NKAIN3: variants seen among roughly 807,000 people sequenced by gnomAD.
NKAIN3 encodes sodium/potassium-transporting ATPase subunit beta-1-interacting protein 3.
A neutral mutation model predicts 30.2 loss-of-function variants in NKAIN3; 25 were observed. The observed-to-expected ratio is 0.83, with a 90% CI of 0.60 to 1.16. The LOEUF (loss-of-function observed/expected upper bound fraction) is 1.16, where lower values mean the gene tolerates loss of function less well. Ranked by LOEUF, NKAIN3 falls within the 50% of genes most tolerant of loss-of-function variation. The probability of loss-of-function intolerance (pLI) is 0.00; values close to 1 mark genes in which losing one functional copy is unlikely to be tolerated. For missense variants in NKAIN3, 225 were observed against 254.1 expected, an observed-to-expected ratio of 0.89 and a Z score of 0.78; for synonymous variants, 91 against 89.6, an observed-to-expected ratio of 1.02 and a Z score of -0.09.
At chr8:62,497,650 A>G (rs531651393) in intron 1 of NKAIN3, among the ~76,000 whole-genome samples, 13 of 152,044 alleles carry the variant, frequency 8.6e-5, no homozygotes, top group Non-Finnish European at 1.3e-4. Context: ...TTAAGAAAAG[A>G]CCCTAAGTGT....
intron 1 of NKAIN3, among the ~76,000 whole-genome samples, chr8:62,339,754 C>G (rs1815680141): frequency 6.6e-6 from 1 of 152,110 alleles, no homozygotes; most frequent in East Asian, 1.9e-4. Flanking sequence ...TTTACATGCT[C>G]TGTACCCCAA....
intron 4 of NKAIN3, among the ~76,000 whole-genome samples, chr8:62,897,828 C>T (rs1821480380): frequency 6.6e-6 from 1 of 152,110 alleles, no homozygotes; most frequent in Non-Finnish European, 1.5e-5. Context: ...ATTCTCCCTC[C>T]ATGCGATCGA....
intron 1 of NKAIN3, among the ~76,000 whole-genome samples, chr8:62,262,276 A>G (rs535833967): frequency 3.9e-4 from 59 of 152,278 alleles, no homozygotes; most frequent in South Asian, 2.9e-3. Context: ...CTCAGGAGGA[A>G]TCCCAATTTA....
chr8:62,269,533 T>C (rs1812709874), intron 1 of NKAIN3, among the ~76,000 whole-genome samples: 2 of 152,198 alleles, frequency 1.3e-5, no homozygotes, highest in South Asian at 4.1e-4. Flanking sequence ...TTTCTGTGGG[T>C]GCTAGTCTAT....
chr8:62,365,642 G>A (rs1257018720), intron 1 of NKAIN3, among the ~76,000 whole-genome samples: 1 of 152,116 alleles, frequency 6.6e-6, no homozygotes, highest in Non-Finnish European at 1.5e-5. Context: ...GCTTATCGGT[G>A]TGAAATTGCT....
chr8:62,707,776 G>A (rs1462689451), intron 3 of NKAIN3, among the ~76,000 whole-genome samples: 1 of 151,916 alleles, frequency 6.6e-6, no homozygotes, highest in Non-Finnish European at 1.5e-5. Context: ...TTGCTTTTGG[G>A]TCCTCCATCA....
At chr8:62,931,311 A>C (rs779369126) in intron 5 of NKAIN3, among the ~76,000 whole-genome samples, 26 of 152,366 alleles carry the variant, frequency 1.7e-4, no homozygotes, top group Middle Eastern at 3.4e-3. Flanking sequence ...TATAAAATCA[A>C]TCACTCAATT....
At chr8:62,318,206 C>T (rs547049932) in intron 1 of NKAIN3, among the ~76,000 whole-genome samples, 13 of 152,310 alleles carry the variant, frequency 8.5e-5, no homozygotes, top group Non-Finnish European at 1.0e-4. Context: ...TCTAGATATG[C>T]AATCATGTCA....
Position 62,983,644 on chromosome 8 carries a change from C to T in NKAIN3, c.*18237C>T, listed in dbSNP as rs1824136991. 1 of 152,176 alleles carries T rather than the reference C, an allele frequency of 6.6e-6. No homozygotes were observed. Among genetic ancestry groups the T allele is most frequent in the South Asian group, 2.1e-4 (1 of 4,824 alleles). 9.4% of individuals were successfully genotyped at this position (152,176 alleles called of 1,614,324 possible). On this transcript the variant is annotated 3_prime_UTR_variant, in exon 7 of 7. Coordinates refer to ENST00000623646, the MANE Select transcript of NKAIN3 (RefSeq NM_001304533.3). ...CTGTTCGTGCTATGAGACTGAAGTC[C>T]TCCTAGACCGCCCCATTCATCTGAG...
At chr8:62,703,439 C>A (rs1428868684) in intron 3 of NKAIN3, among the ~76,000 whole-genome samples, 1 of 152,170 alleles carries the variant, frequency 6.6e-6, no homozygotes, top group African/African-American at 2.4e-5. Context: ...CAACTCCCCA[C>A]AAATTGCCTA....
chr8:62,809,126 G>A (rs1421774078), intron 4 of NKAIN3, among the ~76,000 whole-genome samples: 1 of 152,264 alleles, frequency 6.6e-6, no homozygotes, highest in South Asian at 2.1e-4. Flanking sequence ...CAGCTCTCAG[G>A]TAGTCAGACC....
chr8:62,589,001 C>T (rs1408502383), intron 2 of NKAIN3, among the ~76,000 whole-genome samples: 1 of 151,588 alleles, frequency 6.6e-6, no homozygotes, highest in Non-Finnish European at 1.5e-5. Flanking sequence ...TAATTAAGAC[C>T]GACTAATACT....
chr8:62,422,699 G>A (rs1804681241), intron 1 of NKAIN3, among the ~76,000 whole-genome samples: 1 of 152,022 alleles, frequency 6.6e-6, no homozygotes, highest in Non-Finnish European at 1.5e-5. Context: ...TTAGTTGACT[G>A]GAGTTAGTAT....
At chr8:62,602,838 A>T (rs576142850) in intron 3 of NKAIN3, among the ~76,000 whole-genome samples, 1 of 152,086 alleles carries the variant, frequency 6.6e-6, no homozygotes, top group Admixed American at 6.6e-5. Context: ...ATAAGTCAAT[A>T]TTTATTTTTA....
intron 1 of NKAIN3, among the ~76,000 whole-genome samples, chr8:62,444,700 T>C (rs1805428307): frequency 6.6e-6 from 1 of 152,190 alleles, no homozygotes; most frequent in Non-Finnish European, 1.5e-5. Flanking sequence ...AATATATTTA[T>C]TTCCTTTCTC....
intron 4 of NKAIN3, among the ~76,000 whole-genome samples, chr8:62,781,655 C>T: frequency 6.6e-6 from 1 of 151,506 alleles, no homozygotes; most frequent in Non-Finnish European, 1.5e-5. Flanking sequence ...TTCATAAAGC[C>T]TCCAAGAACA....
chr8:62,977,090 A>G lies in NKAIN3; in HGVS notation c.*11683A>G, dbSNP rs1402406380. 6.6e-6 allele frequency among the ~76,000 whole-genome samples: 1 copy of G among 152,146 alleles called. No individual in the cohort carries two copies. Among genetic ancestry groups the G allele is most frequent in the Non-Finnish European group, 1.5e-5 (1 of 68,032 alleles). On this transcript the variant is annotated 3_prime_UTR_variant, in exon 7 of 7. Transcript: ENST00000623646. Reference sequence around the variant, plus strand: ...TGGGCTTCCCTTTGTAGGTAACCCAACTTTTCTCTCTGGCTGCCCTTAACA... The same window carrying G: ...TGGGCTTCCCTTTGTAGGTAACCCAGCTTTTCTCTCTGGCTGCCCTTAACA...
At chr8:62,715,131 C>T (rs1054729092) in intron 3 of NKAIN3, among the ~76,000 whole-genome samples, 2 of 152,006 alleles carry the variant, frequency 1.3e-5, no homozygotes, top group Non-Finnish European at 2.9e-5. Flanking sequence ...TTTAAACAAC[C>T]AAATCTCAGG....
In NKAIN3 at chr8:62,830,249, T is replaced by C. The variant is rs371025118; in HGVS notation, c.471+83120T>C. Among the ~76,000 whole-genome samples, 81 of 152,296 alleles carry C rather than the reference T, an allele frequency of 5.3e-4. 1 individual carries two copies. Among genetic ancestry groups the C allele is most frequent in the Non-Finnish European group, 5.1e-4 (35 of 68,018 alleles). On this transcript the variant is annotated intron_variant, in intron 4 of 6. Coordinates refer to ENST00000623646, the MANE Select transcript of NKAIN3 (RefSeq NM_001304533.3). Reference sequence around the variant, plus strand: ...AAGTCACCTGGCTCAACATTTTCTATAGACTTTTTGTAGCCACTTATACAG... The same window carrying C: ...AAGTCACCTGGCTCAACATTTTCTACAGACTTTTTGTAGCCACTTATACAG...
Sources: allele counts gnomAD v4.1 joint callset (sites outside exome capture counted in the v4.1 genomes callset), GRCh38; gene constraint gnomAD v4.1.1; transcripts MANE v1.5; gene names NCBI Gene and HGNC (gene_info 2026-07-23, HGNC 2026-07-21).